TENM2: variants seen among roughly 807,000 people sequenced by gnomAD.
The protein encoded by TENM2 is teneurin transmembrane protein 2, also known as teneurin-2.
Under a neutral mutation model 245.2 loss-of-function variants are expected in TENM2, and 52 were observed. The ratio of observed to expected loss-of-function variants is 0.21; its 90% CI spans 0.17 to 0.27. The LOEUF is 0.27. Ranked by LOEUF, TENM2 falls within the 10% of genes least tolerant of loss-of-function variation. TENM2 has a pLI of 1.00. For synonymous variants in TENM2, 1,363 were observed against 1,438.9 expected, an observed-to-expected ratio of 0.95 and a Z score of 1.19; for missense variants, 3,046 against 3,666.8, an observed-to-expected ratio of 0.83 and a Z score of 4.37.
chr5:167,157,347 T>C, the TENM2 span, among the ~76,000 whole-genome samples: 1,704 of 152,330 alleles, frequency 0.011, 31 homozygotes, highest in African/African-American at 0.039. Flanking sequence ...CTCATTAGGG[T>C]GTGCCTGCTT....
chr5:167,077,879 G>C, the TENM2 span, among the ~76,000 whole-genome samples: 1 of 152,054 alleles, frequency 6.6e-6, no homozygotes, highest in African/African-American at 2.4e-5. Context: ...TTATAAAAAA[G>C]GCAAAGTAGT....
rs10585036 is a variant in TENM2, at chr5:167,467,516, G to GAA, written c.502+92057_502+92058dup. On this transcript the variant is annotated intron_variant, in intron 2 of 28. Transcript: ENST00000518659. Reference sequence around the variant, plus strand: ...ATAGGTCATTATTACTCTTGTTTGAGAAAAAAAAAAAAAAACAGTAACCTT... The same window carrying GAA: ...ATAGGTCATTATTACTCTTGTTTGAGAAAAAAAAAAAAAAAAACAGTAACCTT... 5.8e-3 allele frequency among the ~76,000 whole-genome samples: 848 copies of GAA among 145,644 alleles called. 7 individuals are homozygous for GAA. Among genetic ancestry groups the GAA allele is most frequent in the African/African-American group, 0.011 (441 of 39,314 alleles).
the TENM2 span, among the ~76,000 whole-genome samples, chr5:167,269,470 T>A: frequency 6.6e-6 from 1 of 152,018 alleles, no homozygotes; most frequent in Non-Finnish European, 1.5e-5. Context: ...CATGTCATCA[T>A]TGAAGCAAGA....
intron 2 of TENM2, among the ~76,000 whole-genome samples, chr5:167,379,464 C>T (rs1760962833): frequency 6.6e-6 from 1 of 152,130 alleles, no homozygotes; most frequent in South Asian, 2.1e-4. Context: ...AGGTGAGTTA[C>T]TTAAATTTTT....
intron 24 of TENM2, 139 bp downstream of exon 26, chr5:168,226,402 G>A: frequency 1.5e-6 from 1 of 689,242 alleles, no homozygotes; most frequent in Non-Finnish European, 2.4e-6. Context: ...TTATTCAAGT[G>A]TCCACAGCAA....
At chr5:168,078,339 A>G (rs1399682997) in intron 7 of TENM2, among the ~76,000 whole-genome samples, 1 of 152,204 alleles carries the variant, frequency 6.6e-6, no homozygotes, top group African/African-American at 2.4e-5. Context: ...GCCCTTTTTC[A>G]GATGGGTAGA....
At chr5:167,084,345 A>G in the TENM2 span, among the ~76,000 whole-genome samples, 1 of 101,144 alleles carries the variant, frequency 9.9e-6, no homozygotes, top group African/African-American at 3.3e-5. Context: ...ATATATATAT[A>G]TATATATATA....
chr5:167,203,776 T>G, the TENM2 span, among the ~76,000 whole-genome samples: 1 of 152,012 alleles, frequency 6.6e-6, no homozygotes, highest in Non-Finnish European at 1.5e-5. Context: ...TTTTTTATTT[T>G]TATATATTCT....
intron 2 of TENM2, among the ~76,000 whole-genome samples, chr5:167,652,244 C>A (rs1480894698): frequency 2.0e-5 from 3 of 152,170 alleles, no homozygotes; most frequent in Non-Finnish European, 4.4e-5. Flanking sequence ...CCAAAGTCAT[C>A]TTTTAAAAAT....
chr5:168,250,949 C>T (rs1389289514), intron 27 of TENM2, among the ~76,000 whole-genome samples: 1 of 152,150 alleles, frequency 6.6e-6, no homozygotes, highest in East Asian at 1.9e-4. Context: ...AGAAGTGTCT[C>T]CTTTATGGAG....
At chr5:168,067,601 T>C (rs943248341) in intron 7 of TENM2, among the ~76,000 whole-genome samples, 1 of 152,208 alleles carries the variant, frequency 6.6e-6, no homozygotes, top group African/African-American at 2.4e-5. Flanking sequence ...GAAAATGAAC[T>C]CTGTCTTTCC....
chr5:167,101,849 T>TTATATTTTTATATATATATATATATATA, the TENM2 span, among the ~76,000 whole-genome samples: 4 of 69,436 alleles, frequency 5.8e-5, no homozygotes, highest in East Asian at 1.7e-3. Flanking sequence ...ATATATATAT[T>TTATATTTTTATATATATATATATATATA]TATATATATA....
At chr5:167,784,525 A>G (rs1764431833) in intron 2 of TENM2, among the ~76,000 whole-genome samples, 1 of 152,244 alleles carries the variant, frequency 6.6e-6, no homozygotes, top group African/African-American at 2.4e-5. Context: ...GTGATCACAC[A>G]TACAGGCGTA....
intron 2 of TENM2, among the ~76,000 whole-genome samples, chr5:167,773,453 T>C (rs914756853): frequency 6.6e-6 from 1 of 152,212 alleles, no homozygotes; most frequent in African/African-American, 2.4e-5. Context: ...TATATTTTCC[T>C]ATCTTGTAGG....
At chr5:167,298,186 G>C (rs976526089) in intron 1 of TENM2, among the ~76,000 whole-genome samples, 1 of 152,156 alleles carries the variant, frequency 6.6e-6, no homozygotes, top group African/African-American at 2.4e-5. Context: ...TGGGAACCTA[G>C]AGTGGGAGAG....
chr5:167,398,408 TTCTTTC>T (rs1561923447), intron 2 of TENM2, among the ~76,000 whole-genome samples: 2 of 89,190 alleles, frequency 2.2e-5, no homozygotes, highest in East Asian at 3.1e-4. Context: ...CTTTCTTTCT[TTCTTTC>T]TCTCTCTCTC....
the TENM2 span, among the ~76,000 whole-genome samples, chr5:167,058,376 C>A: frequency 6.6e-6 from 1 of 152,124 alleles, no homozygotes; most frequent in East Asian, 1.9e-4. Context: ...TATATGATGA[C>A]TTTTACAAAC....
At chr5:167,062,923 AAC>A in the TENM2 span, among the ~76,000 whole-genome samples, 4 of 152,172 alleles carry the variant, frequency 2.6e-5, no homozygotes, top group African/African-American at 7.2e-5. Flanking sequence ...TACAGAAAGA[AAC>A]ACAATCTTTC....
chr5:168,246,229 C>G (rs915679962), intron 26 of TENM2, among the ~76,000 whole-genome samples: 1 of 126,058 alleles, frequency 7.9e-6, no homozygotes, highest in African/African-American at 2.8e-5. Context: ...GAGTGAGACT[C>G]TGTTTCAAAA....
Sources: allele counts gnomAD v4.1 joint callset (sites outside exome capture counted in the v4.1 genomes callset), GRCh38; gene constraint gnomAD v4.1.1; transcripts MANE v1.5; gene names NCBI Gene and HGNC (gene_info 2026-07-23, HGNC 2026-07-21).